CEP112: variants seen among roughly 807,000 people sequenced by gnomAD.
The protein encoded by CEP112 is centrosomal protein of 112 kDa.
CEP112 carries 127 observed loss-of-function variants against 153.0 expected under a neutral mutation model. The observed-to-expected ratio is 0.83, with a 90% CI of 0.72 to 0.96. The LOEUF (loss-of-function observed/expected upper bound fraction) is 0.96, where lower values mean the gene tolerates loss of function less well. Among genes scored for constraint, CEP112 ranks in the 40% least tolerant of loss-of-function variants. The pLI is 0.00. For synonymous variants in CEP112, 358 were observed against 374.4 expected, an observed-to-expected ratio of 0.96 and a Z score of 0.51; for missense variants, 1,089 against 1,101.2, an observed-to-expected ratio of 0.99 and a Z score of 0.16.
chr17:66,008,865 G>GTATATA (rs148382482), intron 16 of CEP112, among the ~76,000 whole-genome samples: 25 of 151,514 alleles, frequency 1.7e-4, no homozygotes, highest in Non-Finnish European at 3.2e-4. Context: ...GTATTCCACT[G>GTATATA]TATATATACA....
At chr17:65,665,119 C>T (rs181208387) in intron 24 of CEP112, among the ~76,000 whole-genome samples, 124 of 152,308 alleles carry the variant, frequency 8.1e-4, no homozygotes, top group East Asian at 5.6e-3. Context: ...AATATTTTGG[C>T]GGGGTGAGAG....
At chr17:65,730,272 A>G (rs1270410570) in intron 23 of CEP112, among the ~76,000 whole-genome samples, 1 of 152,206 alleles carries the variant, frequency 6.6e-6, no homozygotes, top group Non-Finnish European at 1.5e-5. Context: ...CTTTTGAGAG[A>G]GAACTGTTCC....
chr17:65,841,777 C>T (rs1257886647), intron 21 of CEP112, among the ~76,000 whole-genome samples: 1 of 151,854 alleles, frequency 6.6e-6, no homozygotes, highest in East Asian at 1.9e-4. Context: ...ATGTACAATT[C>T]TTACATATCA....
chr17:66,156,717 C>T (rs754017377), intron 4 of CEP112, among the ~76,000 whole-genome samples: 20 of 151,946 alleles, frequency 1.3e-4, no homozygotes, highest in Non-Finnish European at 2.4e-4. Context: ...AAACGCAGCA[C>T]GAGAACTTCG....
chr17:66,158,111 A>G (rs189149539), intron 4 of CEP112, among the ~76,000 whole-genome samples: 209 of 152,322 alleles, frequency 1.4e-3, no homozygotes, highest in Non-Finnish European at 4.1e-4. Context: ...TATCACACTT[A>G]TTCTAAAATC....
chr17:65,797,776 T>C (rs2055024317), intron 21 of CEP112, among the ~76,000 whole-genome samples: 1 of 152,236 alleles, frequency 6.6e-6, no homozygotes, highest in South Asian at 2.1e-4. Context: ...TTAAGCCCAG[T>C]TGAAAGCTGG....
At chr17:65,771,188 G>A (rs1351040569) in intron 21 of CEP112, among the ~76,000 whole-genome samples, 2 of 152,016 alleles carry the variant, frequency 1.3e-5, no homozygotes. Flanking sequence ...GACAAAAGAT[G>A]TACCATGCAA....
Position 66,013,764 on chromosome 17 carries a change from C to T in CEP112, c.1657-7995G>A, listed in dbSNP as rs748540422. On this transcript the variant is annotated intron_variant, in intron 16 of 26. Coordinates refer to ENST00000535342, the MANE Select transcript of CEP112 (RefSeq NM_001199165.4). ...TTCACCCTTGTTAGCTGGGGTGGGG[C>T]GCTGGCAGACCAGCAACTGCCAGCC... is the stretch of plus-strand genomic sequence containing the variant. Among the ~76,000 whole-genome samples, 93 of 152,272 alleles carry T rather than the reference C, an allele frequency of 6.1e-4. 1 individual carries two copies. Among genetic ancestry groups the T allele is most frequent in the Non-Finnish European group, 1.2e-3 (82 of 68,018 alleles).
At chr17:65,724,793 G>A (rs77493080) in intron 23 of CEP112, among the ~76,000 whole-genome samples, 2,054 of 152,240 alleles carry the variant, frequency 0.013, 41 homozygotes, top group African/African-American at 0.047. Flanking sequence ...TCCACCAACA[G>A]GCTGGCTCTC....
intron 23 of CEP112, among the ~76,000 whole-genome samples, chr17:65,710,550 C>G (rs2049127977): frequency 6.6e-6 from 1 of 152,070 alleles, no homozygotes; most frequent in Non-Finnish European, 1.5e-5. Flanking sequence ...CTTTCCTTGC[C>G]CTAAATGGTA....
chr17:65,863,310 C>T (rs2058369148), intron 20 of CEP112, among the ~76,000 whole-genome samples: 1 of 152,104 alleles, frequency 6.6e-6, no homozygotes, highest in Non-Finnish European at 1.5e-5. Context: ...GAAAACATGG[C>T]TTTTGCCTTC....
At chr17:65,752,150 A>G (rs1352952251) in intron 21 of CEP112, among the ~76,000 whole-genome samples, 1 of 151,568 alleles carries the variant, frequency 6.6e-6, no homozygotes, top group Non-Finnish European at 1.5e-5. Flanking sequence ...TGTGTTTCTG[A>G]GTTCCCTTTG....
intron 12 of CEP112, 133 bp downstream of exon 12, chr17:66,053,603 G>C: frequency 3.7e-6 from 3 of 813,456 alleles, no homozygotes; most frequent in Non-Finnish European, 5.7e-6. Flanking sequence ...AATCTGTATG[G>C]AGTAGGAAGG....
chr17:65,639,747 T>A (rs2044995315), intron 25 of CEP112, among the ~76,000 whole-genome samples: 1 of 151,174 alleles, frequency 6.6e-6, no homozygotes, highest in South Asian at 2.1e-4. Context: ...TTTCTCATGA[T>A]ACCAACAATA....
intron 17 of CEP112, among the ~76,000 whole-genome samples, chr17:65,961,856 G>A (rs2062216966): frequency 6.6e-6 from 1 of 152,176 alleles, no homozygotes; most frequent in Non-Finnish European, 1.5e-5. Context: ...GTAAAACCAT[G>A]TGTCTCCATC....
At chr17:66,161,044 A>G (rs902173862) in intron 4 of CEP112, among the ~76,000 whole-genome samples, 3 of 152,216 alleles carry the variant, frequency 2.0e-5, no homozygotes, top group Non-Finnish European at 4.4e-5. Context: ...ACACTTCTCA[A>G]AAGAAGGTAT....
intron 24 of CEP112, among the ~76,000 whole-genome samples, chr17:65,667,898 CTTTT>C: frequency 7.1e-6 from 1 of 140,450 alleles, no homozygotes; most frequent in East Asian, 2.1e-4. Context: ...CCCTTGGGCA[CTTTT>C]TTTTTTTTTT....
intron 24 of CEP112, among the ~76,000 whole-genome samples, chr17:65,675,703 C>G (rs897242437): frequency 1.1e-4 from 16 of 151,440 alleles, no homozygotes; most frequent in Admixed American, 7.2e-4. Context: ...ATTAGTAGAC[C>G]AAAATCCATC....
chr17:65,730,951 TG>T (rs1196720353), intron 23 of CEP112, among the ~76,000 whole-genome samples: 2 of 152,068 alleles, frequency 1.3e-5, no homozygotes, highest in Non-Finnish European at 1.5e-5. Context: ...ATGAAATCTC[TG>T]CTTGGACATC....
Sources: gnomAD v4.1 joint callset for allele counts (sites outside exome capture counted in the v4.1 genomes callset) on GRCh38, gnomAD v4.1.1 for gene constraint, MANE v1.5 for transcripts, NCBI Gene and HGNC (gene_info 2026-07-23, HGNC 2026-07-21) for gene names.